PCCA: variants seen among roughly 807,000 people sequenced by gnomAD.
PCCA encodes propionyl-CoA carboxylase subunit alpha, also known as propionyl-CoA carboxylase alpha chain, mitochondrial.
PCCA carries 74 observed loss-of-function variants against 101.3 expected under a neutral mutation model. That is an observed-to-expected ratio of 0.73 (90% confidence interval 0.61 to 0.89). The LOEUF is 0.89. Ranked by LOEUF, PCCA falls within the 40% of genes least tolerant of loss-of-function variation. The pLI is 0.00. For missense variants in PCCA, 891 were observed against 907.0 expected, an observed-to-expected ratio of 0.98 and a Z score of 0.23; for synonymous variants, 294 against 313.6, an observed-to-expected ratio of 0.94 and a Z score of 0.66.
intron 6 of PCCA, among the ~76,000 whole-genome samples, chr13:100,184,171 A>AG (rs1420598190): frequency 6.6e-6 from 1 of 152,128 alleles, no homozygotes; most frequent in Non-Finnish European, 1.5e-5. Context: ...TAAGAGAGAG[A>AG]GGGGGAAGGT....
chr13:100,338,217 C>CT (rs1325111925), intron 17 of PCCA, among the ~76,000 whole-genome samples: 3 of 152,282 alleles, frequency 2.0e-5, no homozygotes, highest in Admixed American at 1.3e-4. Flanking sequence ...AGCACTGGTT[C>CT]TTTTTACACT....
intron 18 of PCCA, among the ~76,000 whole-genome samples, chr13:100,348,793 TTCCTTC>T (rs1187153328): frequency 0.02 from 1,254 of 62,796 alleles, 9 homozygotes; most frequent in Middle Eastern, 0.024. Context: ...TCTTTCTTCC[TTCCTTC>T]CTTCCTTCCT....
At position 100,527,807 on chromosome 13, in the gene PCCA, A is replaced by C. The variant is rs2087976437; in HGVS notation, c.2118+55A>C. The C allele has an allele frequency of 1.1e-5, 14 of 1,285,002 alleles. No homozygotes were observed. The East Asian group carries it at 3.0e-4, about 28-fold the overall frequency. The allele number at this position is 1,285,002 out of a possible 1,614,324, so 79.6% of individuals were successfully genotyped here. ...CCGGCCCTGTGATGGAGGAACGCCC[A>C]CCTTTGAATCGTGGGTGGTTTGGCT... On this transcript the variant is annotated intron_variant, in intron 23 of 23. Transcript: ENST00000376285.
intron 1 of PCCA, among the ~76,000 whole-genome samples, chr13:100,101,434 G>A (rs1304741869): frequency 6.6e-6 from 1 of 152,070 alleles, no homozygotes; most frequent in Non-Finnish European, 1.5e-5. Context: ...AGGAATATAT[G>A]AGAGATAGTC....
chr13:100,518,453 C>CT (rs2086997813), intron 22 of PCCA, among the ~76,000 whole-genome samples: 1 of 152,172 alleles, frequency 6.6e-6, no homozygotes, highest in South Asian at 2.1e-4. Context: ...TCAGCCTGCC[C>CT]TAAACACAGA....
At chr13:100,175,236 A>G (rs993194756) in intron 6 of PCCA, among the ~76,000 whole-genome samples, 4 of 152,192 alleles carry the variant, frequency 2.6e-5, no homozygotes, top group African/African-American at 9.6e-5. Flanking sequence ...GATCGAATTA[A>G]TGAATAAACC....
intron 4 of PCCA, among the ~76,000 whole-genome samples, chr13:100,122,058 A>G (rs2049453836): frequency 6.6e-6 from 1 of 152,202 alleles, no homozygotes; most frequent in Non-Finnish European, 1.5e-5. Context: ...GATTTTTATC[A>G]AGAACAGGTG....
At chr13:100,522,613 TG>T (rs911559275) in intron 22 of PCCA, among the ~76,000 whole-genome samples, 3 of 152,190 alleles carry the variant, frequency 2.0e-5, no homozygotes, top group African/African-American at 4.8e-5. Context: ...AAAAAGAGGA[TG>T]GGCTGTCTTA....
chr13:100,304,492 C>G (rs1460603723), intron 14 of PCCA, among the ~76,000 whole-genome samples: 2 of 152,166 alleles, frequency 1.3e-5, no homozygotes, highest in East Asian at 1.9e-4. Context: ...CATGAGTCCC[C>G]TCCCTTGGAA....
rs111506924 is a variant in PCCA at position 100,285,199 on chromosome 13, G to A, written c.1065+11853G>A. On this transcript the variant is annotated intron_variant, in intron 12 of 23. Transcript: ENST00000376285. The stretch of plus-strand genomic sequence containing the variant: ...TGGCTTTGGCCGACTATGGATCCCC[G>A]GATACAGCGAGATAGCCAGGCCACT... Among the ~76,000 whole-genome samples the A allele has an allele frequency of 4.4e-3, 673 of 152,272 alleles. 10 individuals are homozygous for A. The highest frequency in any genetic ancestry group is 0.015 in the African/African-American group (643 of 41,546).
At chr13:100,481,336 T>A (rs938579167) in intron 21 of PCCA, among the ~76,000 whole-genome samples, 8 of 152,194 alleles carry the variant, frequency 5.3e-5, no homozygotes, top group African/African-American at 1.9e-4. Flanking sequence ...GGCAGGTGGA[T>A]CACTTGAGCT....
intron 21 of PCCA, 109 bp from the exon 22 acceptor site, chr13:100,515,318 C>T: frequency 3.2e-6 from 3 of 932,298 alleles, no homozygotes; most frequent in Non-Finnish European, 3.4e-6. Flanking sequence ...ATTTAAGGCT[C>T]TTACTGTAAT....
At chr13:100,463,431 A>G (rs553212787) in intron 21 of PCCA, among the ~76,000 whole-genome samples, 2 of 150,218 alleles carry the variant, frequency 1.3e-5, no homozygotes, top group African/African-American at 4.9e-5. Context: ...TCCAGTGTAC[A>G]ATTCTATGTA....
chr13:100,227,475 C>CT (rs1277733902), intron 7 of PCCA, among the ~76,000 whole-genome samples: 1 of 152,084 alleles, frequency 6.6e-6, no homozygotes, highest in Non-Finnish European at 1.5e-5. Context: ...TTAAATAGTA[C>CT]TTTTTACTGT....
chr13:100,185,740 G>A (rs1395225177), intron 6 of PCCA, among the ~76,000 whole-genome samples: 1 of 150,974 alleles, frequency 6.6e-6, no homozygotes, highest in Non-Finnish European at 1.5e-5. Flanking sequence ...CTCCACCTCC[G>A]AGGTTCAAGT....
intron 12 of PCCA, among the ~76,000 whole-genome samples, chr13:100,281,678 T>C (rs765267635): frequency 1.4e-4 from 21 of 152,384 alleles, no homozygotes; most frequent in South Asian, 1.0e-3. Context: ...TTTTCCTCTG[T>C]TGAAGCAACC....
At chr13:100,495,432 T>G (rs145679010) in intron 21 of PCCA, among the ~76,000 whole-genome samples, 1 of 152,340 alleles carries the variant, frequency 6.6e-6, no homozygotes, top group African/African-American at 2.4e-5. Context: ...TAGGTGTCCC[T>G]TCTATTTTTG....
At chr13:100,490,915 C>T (rs1409400850) in intron 21 of PCCA, 1 of 152,362 alleles carries the variant, frequency 6.6e-6, no homozygotes, top group Non-Finnish European at 1.5e-5. Context: ...CCAGAACCCT[C>T]TTACCCCCTC....
chr13:100,284,607 A>C (rs1237065932), intron 12 of PCCA, among the ~76,000 whole-genome samples: 1 of 152,250 alleles, frequency 6.6e-6, no homozygotes, highest in Non-Finnish European at 1.5e-5. Context: ...GACTAGTGGA[A>C]GATCTTAGAC....
Sources: allele counts gnomAD v4.1 joint callset (sites outside exome capture counted in the v4.1 genomes callset), GRCh38; gene constraint gnomAD v4.1.1; transcripts MANE v1.5; gene names NCBI Gene and HGNC (gene_info 2026-07-23, HGNC 2026-07-21).